FBXW4: variants seen among roughly 807,000 people sequenced by gnomAD.
FBXW4 encodes the protein F-box/WD repeat-containing protein 4.
In FBXW4, 40 loss-of-function variants were observed where a neutral mutation model predicts 61.8. The observed-to-expected ratio is 0.65, with a 90% CI of 0.50 to 0.84. The LOEUF (loss-of-function observed/expected upper bound fraction) is 0.84. Among genes scored for constraint, FBXW4 ranks in the 40% least tolerant of loss-of-function variants. The pLI, the probability that FBXW4 is intolerant of heterozygous loss-of-function variation, is 0.00. For synonymous variants in FBXW4, 311 were observed against 313.8 expected (o/e 0.99, Z 0.10); for missense variants, 672 against 753.8 (o/e 0.89, Z 1.27).
chr10:101,653,861 G>A (rs182791436), intron 5 of FBXW4, among the ~76,000 whole-genome samples: 13 of 152,094 alleles, frequency 8.5e-5, no homozygotes, highest in Middle Eastern at 3.4e-3. Context: ...AGTGGCTCAC[G>A]ACTGTAATCC....
In FBXW4 at chr10:101,670,266, CA is replaced by C. The variant is rs1486823219; in HGVS notation, c.1141-2287del. 1.4e-4 allele frequency among the ~76,000 whole-genome samples: 21 copies of C among 152,354 alleles called. No homozygotes were observed. The South Asian group carries it at 3.3e-3, about 24-fold the overall frequency. On this transcript the variant is annotated intron_variant, in intron 4 of 8. Coordinates refer to ENST00000331272, the MANE Select transcript of FBXW4 (RefSeq NM_022039.4). ...GCATGCATAGGCTTTGGCATCTGATCAATCTGGATTTGAACCCCAGTTGCTA... is the reference window on the plus strand; with the variant it reads ...GCATGCATAGGCTTTGGCATCTGATCATCTGGATTTGAACCCCAGTTGCTA...
At chr10:101,617,403 C>T (rs1564901960) in intron 6 of FBXW4, among the ~76,000 whole-genome samples, 1 of 152,192 alleles carries the variant, frequency 6.6e-6, no homozygotes, top group African/African-American at 2.4e-5. Flanking sequence ...GGCTTTTCCA[C>T]CTCACAGATG....
At chr10:101,637,699 C>CAAAA (rs34463792) in intron 5 of FBXW4, among the ~76,000 whole-genome samples, 1 of 82,054 alleles carries the variant, frequency 1.2e-5, no homozygotes, top group African/African-American at 5.3e-5. Flanking sequence ...GATCCTGTCT[C>CAAAA]AAAAAAAAAA....
At chr10:101,635,581 T>A (rs951644955) in intron 5 of FBXW4, among the ~76,000 whole-genome samples, 1 of 152,100 alleles carries the variant, frequency 6.6e-6, no homozygotes, top group African/African-American at 2.4e-5. Flanking sequence ...ATGCCTGTAA[T>A]CTCAGCATTT....
At position 101,676,711 on chromosome 10, in the gene FBXW4, G is replaced by A. The variant is rs1475389473; in HGVS notation, c.726-275C>T. The A allele has an allele frequency of 2.8e-4, 18 of 64,784 alleles. No homozygotes were observed. The highest frequency in any genetic ancestry group is 1.2e-3 in the East Asian group (2 of 1,706). 4.0% of individuals were successfully genotyped at this position (64,784 alleles called of 1,614,324 possible). A position where few individuals can be genotyped will look rare whatever the true frequency, so the allele number is the denominator to read the frequency against. On this transcript the variant is annotated intron_variant, in intron 1 of 8. Coordinates refer to ENST00000331272, the MANE Select transcript of FBXW4 (RefSeq NM_022039.4). ...TGGAACCACTGGATGTCCAGATTGGGAAAAAAAAAAAAAAAAAAAAAAAAA... is the reference window on the plus strand; with the variant it reads ...TGGAACCACTGGATGTCCAGATTGGAAAAAAAAAAAAAAAAAAAAAAAAAA...
chr10:101,631,902 T>C lies in FBXW4; in HGVS notation c.1236-7092A>G, dbSNP rs575145539. 5.6e-4 allele frequency among the ~76,000 whole-genome samples: 85 copies of C among 152,302 alleles called. No homozygotes were observed. In the East Asian group the frequency reaches 9.3e-3, roughly 17 times the overall value. On this transcript the variant is annotated intron_variant, in intron 5 of 8. Coordinates refer to ENST00000331272, the MANE Select transcript of FBXW4 (RefSeq NM_022039.4). ...TTGGCCTCCCAAAGTGCTGGGATTA[T>C]AGGCGTGAGCCACCGTGCCCAGCCA... is the stretch of plus-strand genomic sequence containing the variant.
intron 1 of FBXW4, among the ~76,000 whole-genome samples, chr10:101,678,206 T>A (rs1210984238): frequency 6.6e-6 from 1 of 152,164 alleles, no homozygotes; most frequent in Admixed American, 6.5e-5. Flanking sequence ...TAATAGGCAA[T>A]AGGGAGAAGA....
chr10:101,648,411 G>C (rs1490878497), intron 5 of FBXW4, among the ~76,000 whole-genome samples: 2 of 152,170 alleles, frequency 1.3e-5, no homozygotes, highest in African/African-American at 4.8e-5. Flanking sequence ...CAGATGATTT[G>C]ATTGACTAGA....
chr10:101,654,642 A>G (rs2064171341), intron 5 of FBXW4, among the ~76,000 whole-genome samples: 1 of 152,234 alleles, frequency 6.6e-6, no homozygotes, highest in South Asian at 2.1e-4. Context: ...CTGAAGAGAT[A>G]TTTAAATAAA....
chr10:101,674,366 T>C (rs536255048), intron 2 of FBXW4, among the ~76,000 whole-genome samples: 1 of 151,598 alleles, frequency 6.6e-6, no homozygotes, highest in East Asian at 1.9e-4. Flanking sequence ...TCTAGCCAAG[T>C]GAAATAACTT....
chr10:101,695,266 G>T, upstream of FBXW4: 2 of 916,142 alleles, frequency 2.2e-6, no homozygotes, highest in Non-Finnish European at 2.6e-6. This position sits in a 1 kb window ranked among gnomAD's most constrained non-coding sequence, Gnocchi z 4.2. Flanking sequence ...ACTTCGGGGT[G>T]CGGGCTGGGG....
intron 6 of FBXW4, among the ~76,000 whole-genome samples, chr10:101,618,320 C>G (rs773036998): frequency 2.9e-4 from 44 of 152,326 alleles, no homozygotes; most frequent in Admixed American, 7.2e-4. Context: ...GCCACCAACT[C>G]CAGCCACAGG....
chr10:101,644,968 A>G (rs542375047), intron 5 of FBXW4, among the ~76,000 whole-genome samples: 1 of 152,298 alleles, frequency 6.6e-6, no homozygotes, highest in South Asian at 2.1e-4. Context: ...AGTTTGGCAC[A>G]TGGTTTGTAG....
At chr10:101,619,640 T>C (rs12244100) in intron 6 of FBXW4, among the ~76,000 whole-genome samples, 15,700 of 145,236 alleles carry the variant, frequency 0.11, 1,060 homozygotes, top group African/African-American at 0.2. Context: ...CCCTGGGTAA[T>C]AGAGCAAGAC....
chr10:101,645,837 G>A (rs1006387394), intron 5 of FBXW4, among the ~76,000 whole-genome samples: 9 of 152,138 alleles, frequency 5.9e-5, no homozygotes, highest in East Asian at 1.9e-4. Flanking sequence ...AGAGTAGCAC[G>A]GAAGTGAAAA....
intron 5 of FBXW4, among the ~76,000 whole-genome samples, chr10:101,653,768 C>CACATAAGTG (rs2064163145): frequency 6.6e-6 from 1 of 152,202 alleles, no homozygotes; most frequent in Non-Finnish European, 1.5e-5. Flanking sequence ...AACAAACAGT[C>CACATAAGTG]TCTTGTGTTT....
At position 101,627,990 on chromosome 10, in the gene FBXW4, C is replaced by T. The variant is rs893491530; in HGVS notation, c.1236-3180G>A. On this transcript the variant is annotated intron_variant, in intron 5 of 8. Transcript: ENST00000331272. ...AAATGCTGTGCTCTGATAACCTGTT[C>T]GATTTGAATCCGCGAGATGTCTTCA... 1.3e-5 allele frequency: 13 copies of T among 985,260 alleles called. No homozygotes were observed. The African/African-American group carries it at 1.7e-4, about 13-fold the overall frequency. The allele number at this position is 985,260 out of a possible 1,614,324, so 61.0% of individuals were successfully genotyped here.
intron 5 of FBXW4, among the ~76,000 whole-genome samples, chr10:101,647,982 G>A (rs2064115200): frequency 6.6e-6 from 1 of 152,178 alleles, no homozygotes. Context: ...TCTGCAGGGA[G>A]GGAGATAAAA....
At position 101,675,962 on chromosome 10, in the gene FBXW4, A is replaced by T. The variant is rs2064403745; in HGVS notation, c.821+379T>A. 2.0e-5 allele frequency among the ~76,000 whole-genome samples: 3 copies of T among 152,212 alleles called. No individual in the cohort carries two copies. In the South Asian group the frequency reaches 6.2e-4, roughly 32 times the overall value. Reference sequence around the variant, plus strand: ...TAGAGTAGAAGATTTAAATAAAAATATTTGTAAAATAAGATGAATTGAAAC... The same window carrying T: ...TAGAGTAGAAGATTTAAATAAAAATTTTTGTAAAATAAGATGAATTGAAAC... On this transcript the variant is annotated intron_variant, in intron 2 of 8. Coordinates refer to ENST00000331272, the MANE Select transcript of FBXW4 (RefSeq NM_022039.4).
Sources: allele counts gnomAD v4.1 joint callset (sites outside exome capture counted in the v4.1 genomes callset), GRCh38; gene constraint gnomAD v4.1.1; non-coding constraint Gnocchi (gnomAD v3.1); transcripts MANE v1.5; gene names NCBI Gene and HGNC (gene_info 2026-07-23, HGNC 2026-07-21).